BAIAP2: variants seen among roughly 807,000 people sequenced by gnomAD.
The protein encoded by BAIAP2 is BAR/IMD domain containing adaptor protein 2.
Under a neutral mutation model 63.0 loss-of-function variants are expected in BAIAP2, and 18 were observed. That is an observed-to-expected ratio of 0.29 (90% CI 0.20 to 0.42). The LOEUF is 0.42. Ranked by LOEUF, BAIAP2 falls within the 10% of genes least tolerant of loss-of-function variation. BAIAP2 has a pLI of 1.00. For synonymous variants in BAIAP2, 386 were observed against 307.6 expected, an observed-to-expected ratio of 1.25 and a Z score of -2.67; for missense variants, 610 against 734.3, an observed-to-expected ratio of 0.83 and a Z score of 1.96.
chr17:81,106,812 C>A lies in BAIAP2; in HGVS notation c.1405C>A (p.Pro469Thr), dbSNP rs148086211. 8 of 1,612,416 alleles carry A rather than the reference C, an allele frequency of 5.0e-6. No homozygotes were observed. The highest frequency in any genetic ancestry group is 5.9e-6 in the Non-Finnish European group (7 of 1,179,716). Reference protein sequence around the residue: ...LDKDDLAIPPPDYGAASRAFP... With the variant: ...LDKDDLAIPPTDYGAASRAFP... ...CAAGGACGACCTGGCCATCCCACCCCCCGATTACGGCGCCGCCTCCCGGGC... is the reference window on the plus strand; with the variant it reads ...CAAGGACGACCTGGCCATCCCACCCACCGATTACGGCGCCGCCTCCCGGGC... Residue 469 changes from proline (P) to threonine (T), a missense_variant, in exon 12 of 14, where the codon CCC becomes ACC. Pro to Thr is a conservative substitution (Grantham distance 38). Coordinates refer to ENST00000428708, the MANE Select transcript of BAIAP2 (RefSeq NM_001144888.2).
chr17:81,109,717 T>C, intron 13 of BAIAP2: 1 of 985,386 alleles, frequency 1.0e-6, no homozygotes, highest in South Asian at 4.7e-5. Context: ...CACAGTGGCC[T>C]CACCTCCCGT....
At chr17:81,099,379 G>A (rs1318495546) in intron 6 of BAIAP2, among the ~76,000 whole-genome samples, 1 of 152,162 alleles carries the variant, frequency 6.6e-6, no homozygotes, top group Non-Finnish European at 1.5e-5. Flanking sequence ...GGGCTTCCCT[G>A]GGGTCCTTGG....
intron 1 of BAIAP2, among the ~76,000 whole-genome samples, chr17:81,045,282 C>T (rs1319455040): frequency 6.6e-6 from 1 of 152,148 alleles, no homozygotes; most frequent in African/African-American, 2.4e-5. Flanking sequence ...CTGCTGCAAC[C>T]CTGAAAGGGA....
At position 81,108,455 on chromosome 17, in the gene BAIAP2, G is replaced by A. The variant is rs765436953; in HGVS notation, c.1501-20G>A. 22 of 1,613,674 alleles carry A rather than the reference G, an allele frequency of 1.4e-5. No individual in the cohort carries two copies. Among genetic ancestry groups the A allele is most frequent in the Non-Finnish European group, 1.9e-5 (22 of 1,179,986 alleles). On this transcript the variant is annotated intron_variant, in intron 12 of 13. Transcript: ENST00000428708. ...CAGGCCCCGTCACCCGGCCTGACAT[G>A]TTTCTGCCTCTGCCCCCAGGGCCTG...
intron 4 of BAIAP2, 32 bp downstream of exon 4, chr17:81,084,925 A>C: frequency 6.2e-7 from 1 of 1,610,906 alleles, no homozygotes; most frequent in Non-Finnish European, 8.5e-7. Context: ...CCCTGCGAGG[A>C]GGGGCAGGTG....
At chr17:81,080,564 A>C (rs985885535) in intron 3 of BAIAP2, among the ~76,000 whole-genome samples, 3 of 151,002 alleles carry the variant, frequency 2.0e-5, no homozygotes, top group Non-Finnish European at 4.4e-5. Context: ...GAAGCTCCAC[A>C]TACTCTTTTT....
At chr17:81,049,849 C>T (rs960761785) in intron 1 of BAIAP2, among the ~76,000 whole-genome samples, 2 of 152,198 alleles carry the variant, frequency 1.3e-5, no homozygotes, top group African/African-American at 2.4e-5. Context: ...GAAGTGGAGG[C>T]GGGACTGGAG....
intron 6 of BAIAP2, among the ~76,000 whole-genome samples, chr17:81,094,317 G>A (rs1049069032): frequency 2.0e-5 from 3 of 152,190 alleles, no homozygotes; most frequent in African/African-American, 7.2e-5. Context: ...GTGCTCACCA[G>A]ACTGTCCATC....
chr17:81,101,348 C>T (rs1334379030), intron 7 of BAIAP2, among the ~76,000 whole-genome samples: 1 of 152,138 alleles, frequency 6.6e-6, no homozygotes, highest in African/African-American at 2.4e-5. Flanking sequence ...CTGACTTAGC[C>T]CCCAGAGCAG....
rs772137934 is a variant in BAIAP2, at chr17:81,109,041, G to A, written c.1535+532G>A. 1.8e-5 allele frequency: 28 copies of A among 1,528,692 alleles called. No homozygotes were observed. In the East Asian group the frequency reaches 2.7e-4, roughly 15 times the overall value. 94.7% of individuals were successfully genotyped at this position (1,528,692 alleles called of 1,614,324 possible). On this transcript the variant is annotated intron_variant, in intron 13 of 13. Coordinates refer to ENST00000428708, the MANE Select transcript of BAIAP2 (RefSeq NM_001144888.2). ...AGCCGCTGCTCTGAAGAGCTTCCGC[G>A]CCTTCCCCCTGGTCTCGTCCGTTTT...
chr17:81,066,609 T>A (rs1441597184), intron 3 of BAIAP2, among the ~76,000 whole-genome samples: 1 of 152,158 alleles, frequency 6.6e-6, no homozygotes, highest in Non-Finnish European at 1.5e-5. Context: ...TCTGCGTCTC[T>A]GAAACGTGGG....
chr17:81,053,351 G>A (rs1052789640), intron 1 of BAIAP2: 39 of 310,006 alleles, frequency 1.3e-4, no homozygotes, highest in Admixed American at 9.6e-4. Flanking sequence ...GCAGCGGCGC[G>A]TCTGAGCGCC....
intron 1 of BAIAP2, among the ~76,000 whole-genome samples, chr17:81,038,248 G>A (rs1215385320): frequency 2.0e-5 from 3 of 152,368 alleles, no homozygotes; most frequent in Non-Finnish European, 2.9e-5. Flanking sequence ...GGGAAGCCCC[G>A]TGCATCCCTG....
At chr17:81,098,692 TGTC>T (rs2058048442) in intron 6 of BAIAP2, among the ~76,000 whole-genome samples, 1 of 152,240 alleles carries the variant, frequency 6.6e-6, no homozygotes, top group Non-Finnish European at 1.5e-5. Context: ...GAGCAGCTTC[TGTC>T]GTCTTTGCTG....
At chr17:81,110,430 C>T (rs1396821078) in intron 13 of BAIAP2, 6 of 991,786 alleles carry the variant, frequency 6.0e-6, no homozygotes, top group Non-Finnish European at 7.2e-6. Flanking sequence ...TATTTTTTTC[C>T]TGTTTCCTTT....
rs2146257155 is a variant in BAIAP2 at position 81,116,469 on chromosome 17, G to GCCCTCCTCCTTACCCAA, written c.*633_*649dup. ...CCCCTCCTGCCTCGGGCAGGCCCCA[G>GCCCTCCTCCTTACCCAA]CCCTCCTCCTTACCCAACCTCCCAT... On this transcript the variant is annotated 3_prime_UTR_variant, in exon 14 of 14. Transcript: ENST00000428708. The GCCCTCCTCCTTACCCAA allele has an allele frequency of 1.1e-6, 1 of 913,172 alleles. No individual in the cohort carries two copies. The highest frequency in any genetic ancestry group is 2.7e-5 in the East Asian group (1 of 37,468). The allele number at this position is 913,172 out of a possible 1,614,324, so 56.6% of individuals were successfully genotyped here.
chr17:81,099,294 C>T (rs962713702), intron 6 of BAIAP2, among the ~76,000 whole-genome samples: 2 of 152,184 alleles, frequency 1.3e-5, no homozygotes, highest in Non-Finnish European at 2.9e-5. Context: ...TCTTAGCGTC[C>T]CGCTCCCCGT....
chr17:81,108,643 A>G, intron 13 of BAIAP2, 134 bp downstream of exon 13: 1 of 1,196,590 alleles, frequency 8.4e-7, no homozygotes, highest in Non-Finnish European at 1.2e-6. Flanking sequence ...CCCCTGTCAG[A>G]GCCGGGGATG....
At position 81,103,730 on chromosome 17, in the gene BAIAP2, C is replaced by T. The variant is rs763520836; in HGVS notation, c.864+7C>T. The T allele has an allele frequency of 1.3e-6, 2 of 1,552,972 alleles. No individual in the cohort carries two copies. Among genetic ancestry groups the T allele is most frequent in the Non-Finnish European group, 1.7e-6 (2 of 1,148,502 alleles). ...GCTGGCACCGTTCGTGGGGGTGAGT[C>T]TGTGGCCTCTGGAAAGCTTCACGGG... is the stretch of plus-strand genomic sequence containing the variant. On this transcript the variant is annotated splice_region_variant and intron_variant, in intron 8 of 13. Transcript: ENST00000428708.
Sources: allele counts gnomAD v4.1 joint callset (sites outside exome capture counted in the v4.1 genomes callset), GRCh38; gene constraint gnomAD v4.1.1; transcripts MANE v1.5; gene names NCBI Gene and HGNC (gene_info 2026-07-23, HGNC 2026-07-21).